The following CNTNAP3 variants were observed in gnomAD, a reference collection of about 807,000 sequenced individuals.
The protein encoded by CNTNAP3 is contactin associated protein family member 3.
A neutral mutation model predicts 92.1 loss-of-function variants in CNTNAP3; 36 were observed. That is an observed-to-expected ratio of 0.39 (90% CI 0.30 to 0.52). The LOEUF (loss-of-function observed/expected upper bound fraction) is 0.52, where lower values mean the gene tolerates loss of function less well. CNTNAP3 is among the 20% of genes least tolerant of loss of function. The pLI is 0.76. For synonymous variants in CNTNAP3, 232 were observed against 422.3 expected (o/e 0.55, Z 5.53); for missense variants, 534 against 1,069.6 (o/e 0.50, Z 6.98).
chr9:39,094,308 T>C (rs1455312880), intron 18 of CNTNAP3, among the ~76,000 whole-genome samples: 1 of 151,554 alleles, frequency 6.6e-6, no homozygotes, highest in East Asian at 1.9e-4. Flanking sequence ...ATTCTGTGGA[T>C]TGTCTTTTTA....
intron 18 of CNTNAP3, among the ~76,000 whole-genome samples, chr9:39,089,521 A>C (rs1379721690): frequency 6.6e-6 from 1 of 152,198 alleles, no homozygotes; most frequent in Non-Finnish European, 1.5e-5. Flanking sequence ...TGCTTCCATG[A>C]AAATTCACGT....
At chr9:39,107,251 AAGAAAAAG>A (rs982273378) in intron 15 of CNTNAP3, among the ~76,000 whole-genome samples, 1 of 151,900 alleles carries the variant, frequency 6.6e-6, no homozygotes, top group African/African-American at 2.4e-5. Flanking sequence ...GAAAGAAAGA[AAGAAAAAG>A]AAAGAAAGAA....
chr9:39,076,079 G>C (rs1322311828), intron 23 of CNTNAP3, among the ~76,000 whole-genome samples: 72 of 152,066 alleles, frequency 4.7e-4, no homozygotes, highest in African/African-American at 1.7e-3. Flanking sequence ...CCCTCGTTCA[G>C]GCTAAGAATT....
chr9:39,142,679 A>AAAAG (rs1391400213), intron 11 of CNTNAP3, among the ~76,000 whole-genome samples: 1 of 151,954 alleles, frequency 6.6e-6, no homozygotes, highest in African/African-American at 2.4e-5. Flanking sequence ...CTCAAAAAAA[A>AAAAG]AAAAAAAAGA....
Position 39,069,021 on chromosome 9 carries a change from C to T in CNTNAP3, c.*4869G>A, listed in dbSNP as rs1170158241. Among the ~76,000 whole-genome samples the T allele has an allele frequency of 6.0e-5, 9 of 150,030 alleles. No individual in the cohort carries two copies. Among genetic ancestry groups the T allele is most frequent in the East Asian group, 5.9e-4 (3 of 5,100 alleles). On this transcript the variant is annotated 3_prime_UTR_variant, in exon 24 of 24. Coordinates refer to ENST00000297668, the MANE Select transcript of CNTNAP3 (RefSeq NM_033655.5). Reference sequence around the variant, plus strand: ...ATATGTAAGTATAAACACACATACACATATATATATGTATGTATATAACAC... The same window carrying T: ...ATATGTAAGTATAAACACACATACATATATATATATGTATGTATATAACAC...
At chr9:39,098,988 T>C (rs2315477) in intron 18 of CNTNAP3, among the ~76,000 whole-genome samples, 43 of 144,944 alleles carry the variant, frequency 3.0e-4, no homozygotes, top group Middle Eastern at 7.0e-3. Flanking sequence ...TTTTTTTTTT[T>C]CCCCAAGACG....
At chr9:39,115,154 C>A (rs1693128) in intron 14 of CNTNAP3, among the ~76,000 whole-genome samples, 1 of 149,356 alleles carries the variant, frequency 6.7e-6, no homozygotes, top group Admixed American at 6.6e-5. Context: ...GGACAACTTA[C>A]GGAAAAATGG....
rs1282034532 is a variant in CNTNAP3 at position 39,065,367 on chromosome 9, C to T, written c.*8523G>A. On this transcript the variant is annotated 3_prime_UTR_variant, in exon 24 of 24. Coordinates refer to ENST00000297668, the MANE Select transcript of CNTNAP3 (RefSeq NM_033655.5). Reference sequence around the variant, plus strand: ...TATTAATACAACACAAATTGTTTGTCCATTTTCTTGTTGAAGGTCTTTTAG... The same window carrying T: ...TATTAATACAACACAAATTGTTTGTTCATTTTCTTGTTGAAGGTCTTTTAG... Among the ~76,000 whole-genome samples the T allele has an allele frequency of 6.6e-6, 1 of 152,254 alleles. No individual in the cohort carries two copies. Among genetic ancestry groups the T allele is most frequent in the African/African-American group, 2.4e-5 (1 of 41,476 alleles).
Position 39,132,939 on chromosome 9 carries a change from G to T in CNTNAP3, c.2073C>A (p.Asp691Glu). Residue 691 changes from aspartate (D) to glutamate (E), a missense_variant, in exon 13 of 24, where the codon GAC (aspartate) becomes GAA (glutamate). Asp to Glu is a conservative substitution (Grantham distance 45, BLOSUM62 2). Transcript: ENST00000297668. ...ALRCGTARRPDSRDGTPLSWW... is the reference protein window; with the variant it reads ...ALRCGTARRPESRDGTPLSWW... ...TCCAGGAGTGGCGCTTACCTCGTGA[G>T]TCCGGGCGCCGCGCCGTCCCGCAGC... 6.5e-7 allele frequency: 1 copy of T among 1,545,172 alleles called. No homozygotes were observed. Among genetic ancestry groups the T allele is most frequent in the Non-Finnish European group, 8.7e-7 (1 of 1,155,434 alleles).
In CNTNAP3 at chr9:39,226,936, GT is replaced by G. The variant is rs1822700910; in HGVS notation, c.390+12056del. Among the ~76,000 whole-genome samples, 2 of 4,762 alleles carry G rather than the reference GT, an allele frequency of 4.2e-4. 1 individual carries two copies. The highest frequency in any genetic ancestry group is 4.5e-4 in the African/African-American group (2 of 4,410). The allele number at this position is 4,762 out of a possible 152,430, so 3.1% of individuals were successfully genotyped here. On this transcript the variant is annotated intron_variant, in intron 3 of 23. Coordinates refer to ENST00000297668, the MANE Select transcript of CNTNAP3 (RefSeq NM_033655.5). ...AGTATTCCATGGTGTGTATGTATAT[GT>G]GTGTATATATATATACCATATTTTC... is the stretch of plus-strand genomic sequence containing the variant.
chr9:39,091,244 G>C (rs977009022), intron 18 of CNTNAP3, among the ~76,000 whole-genome samples: 2 of 151,192 alleles, frequency 1.3e-5, no homozygotes, highest in African/African-American at 4.9e-5. Flanking sequence ...AATAGAACTA[G>C]TGAGAGTATA....
intron 10 of CNTNAP3, among the ~76,000 whole-genome samples, chr9:39,149,312 TA>T (rs891591599): frequency 6.6e-6 from 1 of 152,116 alleles, no homozygotes; most frequent in African/African-American, 2.4e-5. Context: ...TACTATCATT[TA>T]AAAAATGCTA....
intron 18 of CNTNAP3, among the ~76,000 whole-genome samples, chr9:39,095,585 TG>T (rs1199311713): frequency 6.9e-6 from 1 of 145,726 alleles, no homozygotes; most frequent in South Asian, 2.2e-4. Flanking sequence ...AAGATAATCA[TG>T]TTTTTTTTCC....
At chr9:39,114,105 CAG>C (rs1184308194) in intron 14 of CNTNAP3, among the ~76,000 whole-genome samples, 1 of 127,378 alleles carries the variant, frequency 7.9e-6, no homozygotes, top group East Asian at 2.2e-4. Context: ...TTTTTTGAGA[CAG>C]AGTCTTGGTC....
At chr9:39,153,915 T>C (rs774359892) in intron 9 of CNTNAP3, among the ~76,000 whole-genome samples, 1 of 147,242 alleles carries the variant, frequency 6.8e-6, no homozygotes. Context: ...CCACCAGTGA[T>C]TGTTCCAAGT....
At position 39,067,027 on chromosome 9, in the gene CNTNAP3, C is replaced by T. The variant is rs1825523045; in HGVS notation, c.*6863G>A. Among the ~76,000 whole-genome samples, 1 of 152,260 alleles carries T rather than the reference C, an allele frequency of 6.6e-6. No individual in the cohort carries two copies. Among genetic ancestry groups the T allele is most frequent in the Non-Finnish European group, 1.5e-5 (1 of 68,040 alleles). ...GAAGTTGTCCCACAGATCACCGATA[C>T]TCTGATTATTCTTTGTTTTTTTTCT... On this transcript the variant is annotated 3_prime_UTR_variant, in exon 24 of 24. Transcript: ENST00000297668.
rs1218771381 is a variant in CNTNAP3, at chr9:39,072,283, G to A, written c.*1607C>T. On this transcript the variant is annotated 3_prime_UTR_variant, in exon 24 of 24. Coordinates refer to ENST00000297668, the MANE Select transcript of CNTNAP3 (RefSeq NM_033655.5). ...GGAAATTCATTTACGTAACAGTAAC[G>A]CTGAATCAATATATTTTCAGCTTGC... Among the ~76,000 whole-genome samples, 1 of 136,730 alleles carries A rather than the reference G, an allele frequency of 7.3e-6. No homozygotes were observed. Among genetic ancestry groups the A allele is most frequent in the Non-Finnish European group, 1.5e-5 (1 of 65,016 alleles). The allele number at this position is 136,730 out of a possible 152,430, so 89.7% of individuals were successfully genotyped here.
chr9:39,107,786 G>C (rs1048927334), intron 15 of CNTNAP3, among the ~76,000 whole-genome samples: 6 of 152,106 alleles, frequency 3.9e-5, no homozygotes, highest in African/African-American at 1.4e-4. Flanking sequence ...CAGATGCAGA[G>C]AATCCAACAA....
chr9:39,170,347 G>T (rs562286515), intron 8 of CNTNAP3, among the ~76,000 whole-genome samples: 1 of 84,394 alleles, frequency 1.2e-5, no homozygotes, highest in South Asian at 4.7e-4. Context: ...ATCTTTTTTT[G>T]AGTATGATTA....
Sources: allele counts gnomAD v4.1 joint callset (sites outside exome capture counted in the v4.1 genomes callset), GRCh38; gene constraint gnomAD v4.1.1; transcripts MANE v1.5; gene names NCBI Gene and HGNC (gene_info 2026-07-23, HGNC 2026-07-21).